The following AFF3 variants were observed in gnomAD, a reference collection of about 807,000 sequenced individuals.
The protein encoded by AFF3 is AF4/FMR2 family member 3.
In AFF3, 32 loss-of-function variants were observed where a neutral mutation model predicts 129.7. That is an observed-to-expected ratio of 0.25 (90% CI 0.19 to 0.33). The LOEUF is 0.33. Ranked by LOEUF, AFF3 falls within the 10% of genes least tolerant of loss-of-function variation. AFF3 has a pLI of 1.00. For synonymous variants in AFF3, 644 were observed against 635.4 expected (o/e 1.01, Z -0.20); for missense variants, 1,373 against 1,592.0 (o/e 0.86, Z 2.34).
intron 8 of AFF3, among the ~76,000 whole-genome samples, chr2:99,829,424 T>C (rs1446365688): frequency 6.6e-6 from 1 of 152,080 alleles, no homozygotes; most frequent in African/African-American, 2.4e-5. Flanking sequence ...TACAAGGAAC[T>C]GAAACGTATT....
chr2:99,658,157 G>C lies in AFF3; in HGVS notation c.1144-8491C>G, dbSNP rs1685916398. 2.0e-5 allele frequency among the ~76,000 whole-genome samples: 3 copies of C among 152,190 alleles called. No homozygotes were observed. In the South Asian group the frequency reaches 6.2e-4, roughly 32 times the overall value. On this transcript the variant is annotated intron_variant, in intron 12 of 24. Transcript: ENST00000672756. ...GAAAGGTGTGAGGACAACATGAGAGGGTGCCGCAGGGACTGTCCCTGTCCA... is the reference window on the plus strand; with the variant it reads ...GAAAGGTGTGAGGACAACATGAGAGCGTGCCGCAGGGACTGTCCCTGTCCA...
At chr2:99,556,418 G>C (rs542722204) in intron 22 of AFF3, among the ~76,000 whole-genome samples, 5 of 152,128 alleles carry the variant, frequency 3.3e-5, no homozygotes, top group African/African-American at 9.7e-5. Context: ...CTCCAGCCTG[G>C]GTGACGGAGC....
intron 8 of AFF3, among the ~76,000 whole-genome samples, chr2:99,807,046 C>A (rs530576967): frequency 1.3e-5 from 2 of 152,190 alleles, no homozygotes; most frequent in Non-Finnish European, 2.9e-5. Flanking sequence ...CCTAACCCCC[C>A]ACATTCCCTG....
intron 11 of AFF3, among the ~76,000 whole-genome samples, chr2:99,723,626 C>T (rs1386343391): frequency 1.3e-5 from 2 of 152,136 alleles, no homozygotes; most frequent in East Asian, 3.8e-4. Flanking sequence ...TCCCCTTTTC[C>T]CATTTTCAGA....
chr2:99,605,043 GGGAAAGC>G (rs1424348375), intron 13 of AFF3, among the ~76,000 whole-genome samples: 2 of 152,190 alleles, frequency 1.3e-5, no homozygotes, highest in Non-Finnish European at 2.9e-5. Context: ...TTTAATTTCT[GGGAAAGC>G]GCCCATTCAA....
At chr2:99,656,321 AT>A (rs1685744915) in intron 12 of AFF3, among the ~76,000 whole-genome samples, 3 of 152,202 alleles carry the variant, frequency 2.0e-5, no homozygotes, top group Admixed American at 2.0e-4. Context: ...AGTAACCTCC[AT>A]TTTTGCTATC....
chr2:100,057,993 T>C (rs1485399918), intron 4 of AFF3, among the ~76,000 whole-genome samples: 2 of 151,968 alleles, frequency 1.3e-5, no homozygotes, highest in African/African-American at 2.4e-5. Context: ...AGCTAGAAAA[T>C]AAAATGACAT....
intron 1 of AFF3, among the ~76,000 whole-genome samples, chr2:100,131,506 C>T (rs1045784573): frequency 5.9e-5 from 9 of 152,306 alleles, no homozygotes; most frequent in Admixed American, 2.0e-4. Flanking sequence ...GTTGCCCAGG[C>T]TGGAGTGCAG....
intron 4 of AFF3, chr2:100,011,542 T>C (rs778521382): frequency 3.8e-6 from 3 of 780,764 alleles, no homozygotes; most frequent in Admixed American, 1.7e-5. Flanking sequence ...AACTAGAGAG[T>C]CATTCCTCTG....
chr2:99,757,454 C>G (rs1682208766), intron 8 of AFF3, among the ~76,000 whole-genome samples: 1 of 152,178 alleles, frequency 6.6e-6, no homozygotes, highest in Admixed American at 6.5e-5. Context: ...ATAATAATAA[C>G]AATAATTCTC....
chr2:99,557,849 A>C (rs1315358644), intron 22 of AFF3, among the ~76,000 whole-genome samples: 1 of 152,218 alleles, frequency 6.6e-6, no homozygotes, highest in East Asian at 1.9e-4. Context: ...GGGCATGAAC[A>C]GATCTCAAAT....
In AFF3 at chr2:99,774,149, G is replaced by C. The variant is rs1226110777; in HGVS notation, c.922-21848C>G. On this transcript the variant is annotated intron_variant, in intron 8 of 24. Coordinates refer to ENST00000672756, the MANE Select transcript of AFF3 (RefSeq NM_001386135.1). Reference sequence around the variant, plus strand: ...CAGGAAGAATCGATATCATGAAAATGGCCACACTGCCCAAAGCAATTTATA... The same window carrying C: ...CAGGAAGAATCGATATCATGAAAATCGCCACACTGCCCAAAGCAATTTATA... Among the ~76,000 whole-genome samples the C allele has an allele frequency of 2.6e-5, 4 of 152,192 alleles. No individual in the cohort carries two copies. The East Asian group carries it at 7.7e-4, about 29-fold the overall frequency.
At chr2:99,778,154 C>T (rs1260212613) in intron 8 of AFF3, among the ~76,000 whole-genome samples, 3 of 151,958 alleles carry the variant, frequency 2.0e-5, no homozygotes, top group African/African-American at 7.3e-5. Flanking sequence ...CCCTGCACAT[C>T]GCATCCCTTC....
intron 11 of AFF3, among the ~76,000 whole-genome samples, chr2:99,685,323 T>G (rs918738156): frequency 6.6e-6 from 1 of 152,206 alleles, no homozygotes; most frequent in Non-Finnish European, 1.5e-5. Flanking sequence ...CAACTGGCTT[T>G]TGCAATGAGA....
rs112359324 is a variant in AFF3, at chr2:99,958,813, G to A, written c.873+47819C>T. On this transcript the variant is annotated intron_variant, in intron 7 of 24. Coordinates refer to ENST00000672756, the MANE Select transcript of AFF3 (RefSeq NM_001386135.1). ...AGAGGATTTTTGAGGGGAGGGTAAG[G>A]AATAAGAACATTATCAAGGCCGGGT... 8.0e-3 allele frequency among the ~76,000 whole-genome samples: 1,213 copies of A among 151,938 alleles called. 8 individuals carry two copies. The highest frequency in any genetic ancestry group is 0.016 in the Admixed American group (243 of 15,258).
chr2:100,086,771 C>G, intron 4 of AFF3, among the ~76,000 whole-genome samples: 1 of 152,118 alleles, frequency 6.6e-6, no homozygotes. Flanking sequence ...AGAAAATCAC[C>G]TTTGTTGAGA....
In AFF3 at chr2:100,002,133, C is replaced by T. The variant is rs924262945; in HGVS notation, c.873+4499G>A. The stretch of plus-strand genomic sequence containing the variant: ...CACCCTCATTTCTCCCAGGAGCAAT[C>T]AGATAGCAAACTTCAATTTGAAAAC... On this transcript the variant is annotated intron_variant, in intron 7 of 24. Transcript: ENST00000672756. Among the ~76,000 whole-genome samples, 3 of 152,332 alleles carry T rather than the reference C, an allele frequency of 2.0e-5. No homozygotes were observed. The South Asian group carries it at 6.2e-4, about 32-fold the overall frequency.
At chr2:99,715,430 G>A (rs1008339445) in intron 11 of AFF3, among the ~76,000 whole-genome samples, 2 of 152,096 alleles carry the variant, frequency 1.3e-5, no homozygotes, top group Admixed American at 6.6e-5. Context: ...TGCCTATTAC[G>A]AAACAGGCAC....
rs1374776458 is a variant in AFF3 at position 99,957,601 on chromosome 2, A to G, written c.873+49031T>C. Among the ~76,000 whole-genome samples the G allele has an allele frequency of 2.6e-5, 4 of 152,316 alleles. No individual in the cohort carries two copies. In the East Asian group the frequency reaches 7.7e-4, roughly 29 times the overall value. On this transcript the variant is annotated intron_variant, in intron 7 of 24. Coordinates refer to ENST00000672756, the MANE Select transcript of AFF3 (RefSeq NM_001386135.1). ...AGGCAGCACAGTCTCCAAAGATGGC[A>G]TGAAGTTTTAAAAGGACCAACTGGC...
Sources: gnomAD v4.1 joint callset for allele counts (sites outside exome capture counted in the v4.1 genomes callset) on GRCh38, gnomAD v4.1.1 for gene constraint, MANE v1.5 for transcripts, NCBI Gene and HGNC (gene_info 2026-07-23, HGNC 2026-07-21) for gene names.